SLC16A5: variants seen among roughly 807,000 people sequenced by gnomAD.
SLC16A5 encodes solute carrier family 16 member 5.
In SLC16A5, 29 loss-of-function variants were observed where a neutral mutation model predicts 33.2. The observed-to-expected ratio is 0.87, with a 90% CI of 0.65 to 1.19. The LOEUF is 1.19. Among genes scored for constraint, SLC16A5 ranks in the 50% most tolerant of loss-of-function variants. SLC16A5 has a pLI of 0.00. For missense variants in SLC16A5, 606 were observed against 678.2 expected, an observed-to-expected ratio of 0.89 and a Z score of 1.18; for synonymous variants, 248 against 284.1, an observed-to-expected ratio of 0.87 and a Z score of 1.28.
At chr17:75,106,219 G>A, downstream of SLC16A5, 1 of 432,666 alleles carries the variant, frequency 2.3e-6, no homozygotes, top group Non-Finnish European at 4.1e-6. Context: ...CTGACTCGGT[G>A]AGCATCCTGA....
chr17:75,109,626 C>G (rs2060432499), downstream of SLC16A5, among the ~76,000 whole-genome samples: 1 of 152,214 alleles, frequency 6.6e-6, no homozygotes, highest in African/African-American at 2.4e-5. The surrounding 1 kb of genome is among the most constrained non-coding windows in gnomAD (Gnocchi z 5.0). Context: ...GCGGAGGACC[C>G]CGGGGGACCG....
At chr17:75,096,175 C>T (rs1388685782) in intron 3 of SLC16A5, among the ~76,000 whole-genome samples, 1 of 151,810 alleles carries the variant, frequency 6.6e-6, no homozygotes, top group Non-Finnish European at 1.5e-5. Flanking sequence ...GTGCCCCTGC[C>T]CCTACCTACG....
intron 2 of SLC16A5, among the ~76,000 whole-genome samples, chr17:75,091,764 G>A (rs1274521696): frequency 2.0e-5 from 3 of 152,236 alleles, no homozygotes; most frequent in Admixed American, 6.5e-5. Context: ...TCCGGGATGC[G>A]TGGGCTTCAC....
chr17:75,094,340 G>C (rs988723593), intron 3 of SLC16A5, among the ~76,000 whole-genome samples: 1 of 152,206 alleles, frequency 6.6e-6, no homozygotes, highest in Non-Finnish European at 1.5e-5. Flanking sequence ...ATATTTTGGA[G>C]ACCCTCACTA....
intron 5 of SLC16A5, 55 bp downstream of exon 5, chr17:75,100,871 A>G (rs1231900713): frequency 1.4e-5 from 21 of 1,460,436 alleles, no homozygotes; most frequent in Non-Finnish European, 1.9e-5. Flanking sequence ...GGAACAGTTT[A>G]GACAGATCTG....
At position 75,103,964 on chromosome 17, in the gene SLC16A5, C is replaced by A; in HGVS notation, c.1154-6C>A. 1 of 1,613,376 alleles carries A rather than the reference C, an allele frequency of 6.2e-7. No individual in the cohort carries two copies. Among genetic ancestry groups the A allele is most frequent in the Non-Finnish European group, 8.5e-7 (1 of 1,179,426 alleles). ...GCACTGGCCTAACTTGATCTCTGTT[C>A]CCCAGGGTTGCTCCTGGACGCCACC... is the stretch of plus-strand genomic sequence containing the variant. On this transcript the variant is annotated splice_polypyrimidine_tract_variant and splice_region_variant and intron_variant, in intron 5 of 6. Coordinates refer to ENST00000329783, the MANE Select transcript of SLC16A5 (RefSeq NM_004695.4).
intron 6 of SLC16A5, chr17:75,105,254 C>T (rs866468943): frequency 3.0e-6 from 3 of 985,328 alleles, no homozygotes; most frequent in Admixed American, 6.1e-5. Context: ...TCAGCAGGAC[C>T]TGCTCTATCA....
chr17:75,100,728 C>T lies in SLC16A5; in HGVS notation c.1065C>T (p.Asp355=), dbSNP rs760358306. The change falls in exon 5 of 7, where the codon GAC becomes GAT. Residue 355 remains aspartate (D), a synonymous_variant. Coordinates refer to ENST00000329783, the MANE Select transcript of SLC16A5 (RefSeq NM_004695.4). ...CCCTCATCTTCCAGGTTCTCATGGA[C>T]ATCGTCCCCATGGATCAGTTCCCCA... ...IGALIFQVLM[D]IVPMDQFPRA... 6.2e-7 allele frequency: 1 copy of T among 1,614,164 alleles called. No homozygotes were observed. The highest frequency in any genetic ancestry group is 1.1e-5 in the South Asian group (1 of 91,088).
intron 5 of SLC16A5, among the ~76,000 whole-genome samples, chr17:75,101,246 C>T (rs1264344093): frequency 1.5e-5 from 2 of 135,850 alleles, no homozygotes; most frequent in African/African-American, 5.6e-5. Flanking sequence ...GAGACTCCGC[C>T]TCAAAAAGAA....
intron 2 of SLC16A5, chr17:75,093,302 C>T: frequency 1.0e-6 from 1 of 961,596 alleles, no homozygotes; most frequent in Non-Finnish European, 1.6e-6. Context: ...CAATTGTACC[C>T]CATTGCCTGG....
downstream of SLC16A5, among the ~76,000 whole-genome samples, chr17:75,109,683 A>C (rs1320648468): frequency 6.6e-6 from 1 of 151,888 alleles, no homozygotes; most frequent in African/African-American, 2.4e-5. The surrounding 1 kb of genome is among the most constrained non-coding windows in gnomAD (Gnocchi z 5.0). Context: ...CGAGGCCCTC[A>C]CTCGCCCATC....
chr17:75,092,028 G>GGTGTGTGT lies in SLC16A5; in HGVS notation c.-48-1545_-48-1538dup, dbSNP rs535726400. Among the ~76,000 whole-genome samples the GGTGTGTGT allele has an allele frequency of 7.8e-3, 1,172 of 149,700 alleles. 10 individuals carry two copies. Among genetic ancestry groups the GGTGTGTGT allele is most frequent in the South Asian group, 0.035 (164 of 4,738 alleles). Reference sequence around the variant, plus strand: ...CTTGCTAAGCCAAAGATGTGAGGGGGGTGTGTGTGTGTGTGTGTGTGTGCA... The same window carrying GGTGTGTGT: ...CTTGCTAAGCCAAAGATGTGAGGGGGGTGTGTGTGTGTGTGTGTGTGTGTGTGTGTGCA... On this transcript the variant is annotated intron_variant, in intron 2 of 6. Coordinates refer to ENST00000329783, the MANE Select transcript of SLC16A5 (RefSeq NM_004695.4).
Position 75,093,779 on chromosome 17 carries a change from G to C in SLC16A5, c.143G>C (p.Ser48Thr). 1 of 1,614,162 alleles carries C rather than the reference G, an allele frequency of 6.2e-7. No homozygotes were observed. The highest frequency in any genetic ancestry group is 8.5e-7 in the Non-Finnish European group (1 of 1,180,010). ...FTELQWEFQA[S>T]NSETSWFPSI... ...GAATTGCAATGGGAGTTCCAGGCCA[G>C]CAACAGCGAGACCTCTTGGTTCCCC... The change falls in exon 3 of 7, where the codon AGC becomes ACC. Residue 48 changes from serine to threonine, a missense_variant. Transcript: ENST00000329783.
downstream of SLC16A5, among the ~76,000 whole-genome samples, chr17:75,108,671 A>G (rs528566407): frequency 2.6e-5 from 4 of 152,356 alleles, no homozygotes; most frequent in African/African-American, 9.6e-5. Flanking sequence ...CTATATGGGT[A>G]TTCAGGGAGG....
At chr17:75,095,950 C>T (rs968028875) in intron 3 of SLC16A5, among the ~76,000 whole-genome samples, 12 of 151,730 alleles carry the variant, frequency 7.9e-5, no homozygotes, top group East Asian at 1.9e-4. Flanking sequence ...TGAGCCACCA[C>T]GCCCAGACCA....
chr17:75,096,841 C>CTTT (rs71361652), intron 3 of SLC16A5, among the ~76,000 whole-genome samples: 125 of 65,308 alleles, frequency 1.9e-3, no homozygotes, highest in African/African-American at 3.3e-3. Context: ...CACTCCATCA[C>CTTT]TTTTTTTTTT....
At chr17:75,093,429 G>A (rs4789133) in intron 2 of SLC16A5, 160 bp from the exon 3 acceptor site, 524,476 of 1,535,596 alleles carry the variant, frequency 0.34, 94,633 homozygotes, top group Middle Eastern at 0.41. Context: ...CAAGGCCAAC[G>A]CGTGGGCCTC....
chr17:75,093,771 C>A lies in SLC16A5; in HGVS notation c.135C>A (p.Phe45Leu). 6.2e-7 allele frequency: 1 copy of A among 1,614,174 alleles called. No homozygotes were observed. The highest frequency in any genetic ancestry group is 8.5e-7 in the Non-Finnish European group (1 of 1,179,996). Reference protein sequence around the residue: ...GIFFTELQWEFQASNSETSWF... With the variant: ...GIFFTELQWELQASNSETSWF... ...TCTTCACTGAATTGCAATGGGAGTT[C>A]CAGGCCAGCAACAGCGAGACCTCTT... The change falls in exon 3 of 7, where the codon TTC (phenylalanine) becomes TTA (leucine). Residue 45 changes from phenylalanine (F) to leucine (L), a missense_variant. Phe to Leu is a conservative substitution (Grantham distance 22). Coordinates refer to ENST00000329783, the MANE Select transcript of SLC16A5 (RefSeq NM_004695.4).
chr17:75,092,023 AGG>A (rs374464411), intron 2 of SLC16A5, among the ~76,000 whole-genome samples: 2 of 101,640 alleles, frequency 2.0e-5, no homozygotes, highest in African/African-American at 5.5e-5. Context: ...CAAAGATGTG[AGG>A]GGGGTGTGTG....
Sources: allele counts gnomAD v4.1 joint callset (sites outside exome capture counted in the v4.1 genomes callset), GRCh38; gene constraint gnomAD v4.1.1; non-coding constraint Gnocchi (gnomAD v3.1); transcripts MANE v1.5; gene names NCBI Gene and HGNC (gene_info 2026-07-23, HGNC 2026-07-21).